RIN2: variants seen among roughly 807,000 people sequenced by gnomAD.
The protein encoded by RIN2 is Ras and Rab interactor 2, also known as RAB5 interacting protein 2.
RIN2 carries 36 observed loss-of-function variants against 78.0 expected under a neutral mutation model. The observed-to-expected ratio is 0.46, with a 90% confidence interval of 0.35 to 0.61. The LOEUF is 0.61. Among genes scored for constraint, RIN2 ranks in the 20% least tolerant of loss-of-function variants. The pLI is 0.00. For missense variants in RIN2, 1,087 were observed against 1,159.7 expected, an observed-to-expected ratio of 0.94 and a Z score of 0.91; for synonymous variants, 466 against 466.8, an observed-to-expected ratio of 1.00 and a Z score of 0.02.
At chr20:19,893,317 C>T (rs573112632) in intron 3 of RIN2, among the ~76,000 whole-genome samples, 24 of 152,332 alleles carry the variant, frequency 1.6e-4, no homozygotes, top group African/African-American at 5.3e-4. Flanking sequence ...TTTCATAAAG[C>T]GTGAGGTTTC....
At chr20:19,790,626 C>A (rs979643968) in intron 1 of RIN2, among the ~76,000 whole-genome samples, 1 of 152,038 alleles carries the variant, frequency 6.6e-6, no homozygotes, top group Non-Finnish European at 1.5e-5. Context: ...GTTACCCCAG[C>A]AGTAAAAAAA....
intron 2 of RIN2, among the ~76,000 whole-genome samples, chr20:19,819,586 A>G (rs1366190653): frequency 6.6e-6 from 1 of 152,246 alleles, no homozygotes; most frequent in Non-Finnish European, 1.5e-5. Flanking sequence ...CCGAGGCTAG[A>G]GTGCAGTGGC....
chr20:19,776,451 G>A (rs905529894), intron 1 of RIN2, among the ~76,000 whole-genome samples: 2 of 152,128 alleles, frequency 1.3e-5, no homozygotes, highest in Non-Finnish European at 2.9e-5. Flanking sequence ...TTTGAATGTG[G>A]CCAGGCACTG....
At chr20:19,965,075 A>T in intron 7 of RIN2, 51 bp downstream of exon 7, 2 of 1,465,164 alleles carry the variant, frequency 1.4e-6, no homozygotes, top group South Asian at 2.3e-5. Context: ...GGTGTGTGGG[A>T]TATAATTAAC....
At chr20:19,983,652 A>T (rs117139491) in intron 9 of RIN2, among the ~76,000 whole-genome samples, 2 of 152,318 alleles carry the variant, frequency 1.3e-5, no homozygotes, top group East Asian at 3.9e-4. Context: ...AGGTCACATG[A>T]TCTAAACTCA....
At chr20:19,846,293 C>T (rs140197436) in intron 2 of RIN2, among the ~76,000 whole-genome samples, 166 of 152,260 alleles carry the variant, frequency 1.1e-3, no homozygotes, top group Middle Eastern at 3.4e-3. Context: ...ATGGGGATAA[C>T]ATTAAATCTA....
At chr20:19,790,284 A>G (rs2034847671) in intron 1 of RIN2, among the ~76,000 whole-genome samples, 1 of 152,132 alleles carries the variant, frequency 6.6e-6, no homozygotes. Context: ...CCAGTCTTAC[A>G]AGGCTAGCAA....
intron 9 of RIN2, among the ~76,000 whole-genome samples, chr20:19,976,971 G>A (rs189557086): frequency 1.2e-4 from 18 of 152,318 alleles, no homozygotes; most frequent in Admixed American, 7.2e-4. Flanking sequence ...TGATCAGGGC[G>A]TGGTTAAAGC....
At chr20:19,844,201 G>C (rs1220370195) in intron 2 of RIN2, among the ~76,000 whole-genome samples, 2 of 152,140 alleles carry the variant, frequency 1.3e-5, no homozygotes, top group African/African-American at 4.8e-5. Context: ...GTGCTGTTGG[G>C]AGTTCCCTCA....
intron 4 of RIN2, among the ~76,000 whole-genome samples, chr20:19,947,361 T>A (rs2041139306): frequency 6.6e-6 from 1 of 152,212 alleles, no homozygotes; most frequent in African/African-American, 2.4e-5. Context: ...TTTTTTAAAA[T>A]TAAAAATTTA....
At chr20:19,772,593 C>A (rs533208307) in intron 1 of RIN2, among the ~76,000 whole-genome samples, 11 of 152,260 alleles carry the variant, frequency 7.2e-5, no homozygotes, top group African/African-American at 2.4e-4. Flanking sequence ...CTTCCACTGA[C>A]AAGCACTCCA....
intron 8 of RIN2, among the ~76,000 whole-genome samples, chr20:19,972,815 C>T (rs1423185556): frequency 6.6e-6 from 1 of 152,208 alleles, no homozygotes; most frequent in Non-Finnish European, 1.5e-5. Flanking sequence ...TTCTCCAAGA[C>T]CTGCTGTCCT....
chr20:19,822,134 G>A (rs2035944414), intron 2 of RIN2, among the ~76,000 whole-genome samples: 1 of 152,172 alleles, frequency 6.6e-6, no homozygotes, highest in African/African-American at 2.4e-5. Flanking sequence ...GGACCCAAAT[G>A]TATTTGTTTC....
chr20:19,890,690 A>AAAAC (rs1156377147), intron 3 of RIN2, among the ~76,000 whole-genome samples: 2 of 141,618 alleles, frequency 1.4e-5, no homozygotes, highest in African/African-American at 6.1e-5. Context: ...AAAAAAAAAA[A>AAAAC]AAAAAAAAAA....
Position 19,974,833 on chromosome 20 carries a change from T to C in RIN2, c.808T>C (p.Cys270Arg), listed in dbSNP as rs1235406272. ...LECSQTNGAL[C>R]FINPLFLKVH... is the part of the protein sequence containing the mutation. ...GTGCAGCCAGACCAACGGGGCCCTG[T>C]GCTTTATTAATCCCCTTTTCTTGAA... The change falls in exon 9 of 13, where the codon TGC becomes CGC. Residue 270 changes from cysteine (C) to arginine (R), a missense_variant. Coordinates refer to ENST00000255006, the MANE Select transcript of RIN2 (RefSeq NM_018993.4). 3 of 1,614,000 alleles carry C rather than the reference T, an allele frequency of 1.9e-6. No homozygotes were observed. The South Asian group carries it at 3.3e-5, about 18-fold the overall frequency.
At chr20:19,995,160 A>C (rs2042914258) in intron 11 of RIN2, among the ~76,000 whole-genome samples, 1 of 151,820 alleles carries the variant, frequency 6.6e-6, no homozygotes, top group African/African-American at 2.4e-5. Flanking sequence ...GAATAAAGCT[A>C]AATACTTTGG....
At chr20:19,782,534 C>T (rs1318676310) in intron 1 of RIN2, among the ~76,000 whole-genome samples, 9 of 145,158 alleles carry the variant, frequency 6.2e-5, no homozygotes, top group Non-Finnish European at 1.0e-4. Context: ...CCAGCCTGGG[C>T]GACAGAGCGA....
chr20:19,868,691 T>C (rs1454343491), intron 2 of RIN2, among the ~76,000 whole-genome samples: 1 of 152,030 alleles, frequency 6.6e-6, no homozygotes. Flanking sequence ...CAGAGGGACC[T>C]TGGGGACCCA....
chr20:19,832,073 TG>T (rs2036266379), intron 2 of RIN2, among the ~76,000 whole-genome samples: 1 of 151,980 alleles, frequency 6.6e-6, no homozygotes. Flanking sequence ...GTACACTGTG[TG>T]GTGGTGAGAA....
Sources: gnomAD v4.1 joint callset for allele counts (sites outside exome capture counted in the v4.1 genomes callset) on GRCh38, gnomAD v4.1.1 for gene constraint, MANE v1.5 for transcripts, NCBI Gene and HGNC (gene_info 2026-07-23, HGNC 2026-07-21) for gene names.